CTNNA3: variants seen among roughly 807,000 people sequenced by gnomAD.
The protein encoded by CTNNA3 is catenin alpha-3.
CTNNA3 carries 76 observed loss-of-function variants against 95.7 expected under a neutral mutation model. The observed-to-expected ratio is 0.79, with a 90% CI of 0.66 to 0.96. The LOEUF (loss-of-function observed/expected upper bound fraction) is 0.96, where lower values mean the gene tolerates loss of function less well. CTNNA3 is among the 40% of genes least tolerant of loss of function. CTNNA3 has a pLI of 0.00. For missense variants in CTNNA3, 1,191 were observed against 1,089.8 expected (o/e 1.09, Z -1.31); for synonymous variants, 431 against 374.4 (o/e 1.15, Z -1.74).
chr10:67,551,693 G>A (rs1841039168), intron 3 of CTNNA3, among the ~76,000 whole-genome samples: 1 of 152,176 alleles, frequency 6.6e-6, no homozygotes, highest in Non-Finnish European at 1.5e-5. Context: ...CCCTAGAGAT[G>A]TGAGCAGCGG....
intron 11 of CTNNA3, among the ~76,000 whole-genome samples, chr10:66,451,666 TAA>T (rs1354389865): frequency 6.6e-6 from 1 of 152,158 alleles, no homozygotes; most frequent in Non-Finnish European, 1.5e-5. Context: ...TTCAAGACTT[TAA>T]GACAAGACTG....
rs912157766 is a variant in CTNNA3 at position 66,356,436 on chromosome 10, G to A, written c.1732+22716C>T. On this transcript the variant is annotated intron_variant, in intron 12 of 17. Coordinates refer to ENST00000433211, the MANE Select transcript of CTNNA3 (RefSeq NM_013266.4). ...TATTTTTTTTTAGATTTATACTTACGTATATCAATTTTTGAAGTTTTGGTA... is the reference window on the plus strand; with the variant it reads ...TATTTTTTTTTAGATTTATACTTACATATATCAATTTTTGAAGTTTTGGTA... Among the ~76,000 whole-genome samples the A allele has an allele frequency of 6.6e-5, 10 of 151,460 alleles. No homozygotes were observed. In the South Asian group the frequency reaches 1.7e-3, roughly 25 times the overall value.
chr10:66,855,300 T>C (rs778127879), intron 7 of CTNNA3, among the ~76,000 whole-genome samples: 50 of 152,126 alleles, frequency 3.3e-4, no homozygotes, highest in Middle Eastern at 3.4e-3. Flanking sequence ...AATCAAGATC[T>C]CTATCCGTGG....
At chr10:66,052,995 T>C (rs2133543226) in intron 15 of CTNNA3, among the ~76,000 whole-genome samples, 1 of 152,214 alleles carries the variant, frequency 6.6e-6, no homozygotes, top group Non-Finnish European at 1.5e-5. Flanking sequence ...ATTAAAGTAC[T>C]GTAGAAGACC....
chr10:67,363,491 C>CA (rs1206345361), intron 5 of CTNNA3, among the ~76,000 whole-genome samples: 3 of 151,604 alleles, frequency 2.0e-5, no homozygotes, highest in Non-Finnish European at 4.4e-5. Context: ...CACACACACA[C>CA]ACAAAAAAAC....
rs556108202 is a variant in CTNNA3 at position 67,711,655 on chromosome 10, C to G, written c.-2+51779G>C. Among the ~76,000 whole-genome samples the G allele has an allele frequency of 4.0e-5, 6 of 151,752 alleles. No individual in the cohort carries two copies. The South Asian group carries it at 1.3e-3, about 32-fold the overall frequency. ...TGTGCAGGTTAGTTACATATGTATA[C>G]ATGTGCCATGCTGGTGCGCTGCACC... On this transcript the variant is annotated intron_variant, in intron 1 of 17. Coordinates refer to the CTNNA3 transcript ENST00000684154.
chr10:66,063,730 A>T (rs2080257221), intron 15 of CTNNA3, among the ~76,000 whole-genome samples: 1 of 151,988 alleles, frequency 6.6e-6, no homozygotes, highest in Admixed American at 6.6e-5. Flanking sequence ...TTTCTAACTT[A>T]TCTTCTCTAC....
At chr10:66,042,625 C>T (rs551734259) in intron 15 of CTNNA3, among the ~76,000 whole-genome samples, 3 of 151,794 alleles carry the variant, frequency 2.0e-5, no homozygotes, top group Admixed American at 6.6e-5. Flanking sequence ...TACAGCCAGG[C>T]GCAGCAGCTC....
rs542838237 is a variant in CTNNA3, at chr10:67,377,473, T to C, written c.579+144369A>G. On this transcript the variant is annotated intron_variant, in intron 5 of 17. Coordinates refer to ENST00000433211, the MANE Select transcript of CTNNA3 (RefSeq NM_013266.4). ...TATAAACTTGAATTTCTCATCCTAA[T>C]ACTTTCCAAATAAAATTATTTTACA... is the stretch of plus-strand genomic sequence containing the variant. Among the ~76,000 whole-genome samples, 3 of 152,344 alleles carry C rather than the reference T, an allele frequency of 2.0e-5. No individual in the cohort carries two copies. The East Asian group carries it at 5.8e-4, about 29-fold the overall frequency.
rs1331759992 is a variant in CTNNA3 at position 66,389,001 on chromosome 10, A to G, written c.1532-9649T>C. Among the ~76,000 whole-genome samples, 5 of 152,180 alleles carry G rather than the reference A, an allele frequency of 3.3e-5. No individual in the cohort carries two copies. The East Asian group carries it at 5.8e-4, about 18-fold the overall frequency. Reference sequence around the variant, plus strand: ...AAAAATGATTATTTCTCTGCTATTTATATTTCTGGTGAATTTAAGTGGCTA... The same window carrying G: ...AAAAATGATTATTTCTCTGCTATTTGTATTTCTGGTGAATTTAAGTGGCTA... On this transcript the variant is annotated intron_variant, in intron 11 of 17. Transcript: ENST00000433211.
intron 7 of CTNNA3, among the ~76,000 whole-genome samples, chr10:66,778,109 T>C (rs1840384996): frequency 6.6e-6 from 1 of 152,176 alleles, no homozygotes; most frequent in Non-Finnish European, 1.5e-5. Flanking sequence ...GTCCCTATCA[T>C]GACAGGAAGT....
In CTNNA3 at chr10:66,443,216, C is replaced by T. The variant is rs1229465406; in HGVS notation, c.1532-63864G>A. Among the ~76,000 whole-genome samples the T allele has an allele frequency of 2.6e-5, 4 of 152,184 alleles. No homozygotes were observed. In the South Asian group the frequency reaches 6.2e-4, roughly 24 times the overall value. ...AAGGAGGCCTGCCTGCCTCTGTAGG[C>T]TCCACCTCTGGGGGCAGGGCATAGA... On this transcript the variant is annotated intron_variant, in intron 11 of 17. Coordinates refer to ENST00000433211, the MANE Select transcript of CTNNA3 (RefSeq NM_013266.4).
chr10:67,072,223 G>A (rs932666479), intron 7 of CTNNA3, among the ~76,000 whole-genome samples: 2 of 152,088 alleles, frequency 1.3e-5, no homozygotes, highest in Non-Finnish European at 2.9e-5. Flanking sequence ...CAAAGTGCTG[G>A]GATTATAGGC....
At chr10:66,567,035 A>AG (rs1326430425) in intron 10 of CTNNA3, among the ~76,000 whole-genome samples, 5 of 104,084 alleles carry the variant, frequency 4.8e-5, no homozygotes, top group African/African-American at 1.8e-4. Context: ...GACAAAGGGA[A>AG]GGGGAGGGGG....
At chr10:66,494,251 T>C (rs376781340) in intron 11 of CTNNA3, among the ~76,000 whole-genome samples, 38 of 152,284 alleles carry the variant, frequency 2.5e-4, no homozygotes, top group East Asian at 2.1e-3. Flanking sequence ...CACGGAGACC[T>C]GAAGACATAA....
intron 9 of CTNNA3, among the ~76,000 whole-genome samples, chr10:66,705,503 T>C (rs966513400): frequency 6.6e-6 from 1 of 152,056 alleles, no homozygotes; most frequent in Non-Finnish European, 1.5e-5. Flanking sequence ...AAATTTTCTT[T>C]GTGGGAAGAT....
intron 7 of CTNNA3, among the ~76,000 whole-genome samples, chr10:66,847,017 C>T (rs1049341750): frequency 6.6e-6 from 1 of 152,210 alleles, no homozygotes; most frequent in African/African-American, 2.4e-5. Context: ...GAGCTTGAAT[C>T]TAGTGGTCCA....
intron 14 of CTNNA3, among the ~76,000 whole-genome samples, chr10:66,090,423 CAG>C (rs72404440): frequency 0.018 from 2,741 of 152,076 alleles, 30 homozygotes; most frequent in Middle Eastern, 0.044. Flanking sequence ...ATGATGATGA[CAG>C]ATATTTTTTA....
Position 66,069,466 on chromosome 10 carries a change from C to A in CTNNA3, c.2001G>T (p.Glu667Asp), listed in dbSNP as rs774256578. 19 of 1,612,468 alleles carry A rather than the reference C, an allele frequency of 1.2e-5. No homozygotes were observed. The highest frequency in any genetic ancestry group is 1.0e-4 in the Admixed American group (6 of 59,816). ...GCTCAGCAATCTTTTCTTTTTCTGC[C>A]TCAGGCAGTTGAGTCATCTTAGCCT... ...TDRAKMTQLP[E>D]AEKEKIAEQV... The change falls in exon 15 of 18, where the codon GAG becomes GAT. Residue 667 changes from glutamate to aspartate, a missense_variant. Glu to Asp is a conservative substitution (Grantham distance 45). Coordinates refer to ENST00000433211, the MANE Select transcript of CTNNA3 (RefSeq NM_013266.4).
Sources: gnomAD v4.1 joint callset for allele counts (sites outside exome capture counted in the v4.1 genomes callset) on GRCh38, gnomAD v4.1.1 for gene constraint, MANE v1.5 for transcripts, NCBI Gene and HGNC (gene_info 2026-07-23, HGNC 2026-07-21) for gene names.